The following PROM1 variants were observed in gnomAD, a reference collection of about 807,000 sequenced individuals.
The protein encoded by PROM1 is prominin-1.
Under a neutral mutation model 116.9 loss-of-function variants are expected in PROM1, and 105 were observed. The ratio of observed to expected loss-of-function variants is 0.90; its 90% CI spans 0.77 to 1.06. PROM1 has a LOEUF of 1.06. PROM1 is among the 50% of genes least tolerant of loss of function. The pLI is 0.00. For missense variants in PROM1, 1,122 were observed against 1,045.2 expected (o/e 1.07, Z -1.01); for synonymous variants, 393 against 387.0 (o/e 1.02, Z -0.18).
At chr4:16,018,269 C>G (rs1053616219) in intron 9 of PROM1, 54 bp downstream of exon 9, 70 of 1,569,236 alleles carry the variant, frequency 4.5e-5, no homozygotes, top group Non-Finnish European at 5.3e-5. Context: ...CTTAGCCCTG[C>G]CCGGCAATCC....
intron 26 of PROM1, among the ~76,000 whole-genome samples, chr4:15,978,569 G>T (rs888919712): frequency 1.3e-5 from 2 of 152,192 alleles, no homozygotes; most frequent in African/African-American, 2.4e-5. Context: ...CCTCCCATGT[G>T]GAGCGTGGGC....
chr4:16,015,631 A>G (rs56704777), intron 10 of PROM1, among the ~76,000 whole-genome samples: 15,134 of 151,890 alleles, frequency 0.1, 1,074 homozygotes, highest in East Asian at 0.28. Flanking sequence ...CAGAGGTTGC[A>G]GTGAGCCGAG....
At chr4:15,982,151 G>A (rs953859038) in intron 23 of PROM1, among the ~76,000 whole-genome samples, 8 of 152,196 alleles carry the variant, frequency 5.3e-5, no homozygotes, top group Admixed American at 2.6e-4. Context: ...ACGTAAGTTC[G>A]AGTCTGACAA....
Position 15,987,799 on chromosome 4 carries a change from T to C in PROM1, c.2077-83A>G, listed in dbSNP as rs185378391. 3.1e-5 allele frequency: 36 copies of C among 1,145,574 alleles called. No individual in the cohort carries two copies. In the East Asian group the frequency reaches 8.1e-4, roughly 26 times the overall value. The allele number at this position is 1,145,574 out of a possible 1,614,324, so 71.0% of individuals were successfully genotyped here. A position where few individuals can be genotyped will look rare whatever the true frequency, so the allele number is the denominator to read the frequency against. On this transcript the variant is annotated intron_variant, in intron 19 of 27. Transcript: ENST00000447510. ...CCTTGTGTCCTCCCTTCCCACAAGA[T>C]AGCCATCAAATCTGTCTTTACACTG... is the stretch of plus-strand genomic sequence containing the variant.
At chr4:16,035,813 G>A in intron 3 of PROM1, 52 bp from the exon 4 acceptor site, 1 of 1,553,560 alleles carries the variant, frequency 6.4e-7, no homozygotes, top group Non-Finnish European at 8.9e-7. Context: ...CATGCATCAA[G>A]AAAACAGACA....
Position 15,986,026 on chromosome 4 carries a change from A to G in PROM1, c.2142T>C (p.Thr714=). 6.4e-7 allele frequency: 1 copy of G among 1,572,058 alleles called. No individual in the cohort carries two copies. Among genetic ancestry groups the G allele is most frequent in the Non-Finnish European group, 8.7e-7 (1 of 1,150,788 alleles). ...CAAAATCCAGAGAAGCTAGAATCCTAGTTACTCTCTCCTGAAAGACACAGC... is the reference window on the plus strand; with the variant it reads ...CAAAATCCAGAGAAGCTAGAATCCTGGTTACTCTCTCCTGAAAGACACAGC... ...RTGNGLLERV[T]RILASLDFAQ... Residue 714 remains threonine (T), a synonymous_variant, in exon 21 of 28, where the codon ACT becomes ACC. Transcript: ENST00000447510.
At position 16,025,112 on chromosome 4, in the gene PROM1, T is replaced by C. The variant is rs138027662; in HGVS notation, c.630+80A>G. The C allele has an allele frequency of 7.9e-4, 1,175 of 1,480,026 alleles. 6 individuals are homozygous for C. In the African/African-American group the frequency reaches 0.011, roughly 14 times the overall value. 91.7% of individuals were successfully genotyped at this position (1,480,026 alleles called of 1,614,324 possible). On this transcript the variant is annotated intron_variant, in intron 6 of 27. Coordinates refer to ENST00000447510, the MANE Select transcript of PROM1 (RefSeq NM_006017.3). ...TTCACTGTGTTTCTAGAAGGTTTGA[T>C]TGAGATTCCAAATATACACAGGAAC...
chr4:16,041,201 A>C (rs1281356153), intron 2 of PROM1, among the ~76,000 whole-genome samples: 1 of 152,278 alleles, frequency 6.6e-6, no homozygotes, highest in Non-Finnish European at 1.5e-5. Context: ...GGCACAAATC[A>C]AGATGGCAGC....
chr4:16,046,522 T>A (rs1468801698), intron 2 of PROM1, among the ~76,000 whole-genome samples: 1 of 152,232 alleles, frequency 6.6e-6, no homozygotes, highest in Non-Finnish European at 1.5e-5. Flanking sequence ...AGGAAAACAA[T>A]GTTTAAGGAG....
At chr4:16,059,567 G>T (rs922339077) in intron 2 of PROM1, among the ~76,000 whole-genome samples, 2 of 152,090 alleles carry the variant, frequency 1.3e-5, no homozygotes, top group African/African-American at 4.8e-5. Flanking sequence ...TAGTCGGGTG[G>T]GGTGGTGCAT....
At chr4:16,073,761 G>A (rs1743337697) in intron 2 of PROM1, among the ~76,000 whole-genome samples, 1 of 152,038 alleles carries the variant, frequency 6.6e-6, no homozygotes, top group South Asian at 2.1e-4. Context: ...TCCCTCCTTC[G>A]GTCTAACAAT....
rs944223905 is a variant in PROM1, at chr4:15,985,827, T to C, written c.2213A>G (p.Glu738Gly). 9.3e-7 allele frequency: 1 copy of C among 1,072,284 alleles called. No individual in the cohort carries two copies. The highest frequency in any genetic ancestry group is 1.2e-6 in the Non-Finnish European group (1 of 857,678). 66.4% of individuals were successfully genotyped at this position (1,072,284 alleles called of 1,614,324 possible). A position where few individuals can be genotyped will look rare whatever the true frequency, so the allele number is the denominator to read the frequency against. Residue 738 changes from glutamate to glycine, a missense_variant and splice_region_variant, in exon 22 of 28, where the codon GAA (glutamate) becomes GGA (glycine). Coordinates refer to ENST00000447510, the MANE Select transcript of PROM1 (RefSeq NM_006017.3). ...TATTGTTCTCCCATACTTCTTAGTT[T>C]CCTGGAAAGAAACAAAAGATGAGTA... ...TNNTSSVIIE[E>G]TKKYGRTIIG...
intron 1 of PROM1, 83 bp downstream of exon 1, chr4:16,083,895 G>A (rs1335466810): frequency 8.5e-5 from 13 of 152,374 alleles, no homozygotes; most frequent in South Asian, 2.1e-4. Context: ...TGCCCGGGGG[G>A]ACCCGTTGCG....
At chr4:16,015,342 T>A (rs1455128064) in intron 10 of PROM1, among the ~76,000 whole-genome samples, 1 of 11,992 alleles carries the variant, frequency 8.3e-5, no homozygotes, top group Non-Finnish European at 2.3e-4. Flanking sequence ...CAAGACTCCA[T>A]CTCAAAAAAA....
At chr4:16,050,902 A>G (rs1737716914) in intron 2 of PROM1, among the ~76,000 whole-genome samples, 1 of 152,210 alleles carries the variant, frequency 6.6e-6, no homozygotes, top group Non-Finnish European at 1.5e-5. Context: ...CAGAGTCTGT[A>G]CTGCATTCTA....
intron 2 of PROM1, among the ~76,000 whole-genome samples, chr4:16,052,879 C>T (rs1738210415): frequency 6.6e-6 from 1 of 152,196 alleles, no homozygotes; most frequent in Non-Finnish European, 1.5e-5. Flanking sequence ...ATCTGGAAGA[C>T]ACTACCTTAC....
Position 15,994,044 on chromosome 4 carries a change from G to T in PROM1, c.1710C>A (p.Tyr570Ter), listed in dbSNP as rs201644238. The change falls in exon 16 of 28, where the codon TAC becomes TAA. Residue 570 changes from tyrosine (Y) to a stop codon, truncating the protein, a stop_gained. Coordinates refer to ENST00000447510, the MANE Select transcript of PROM1 (RefSeq NM_006017.3). LOFTEE classifies it high-confidence loss of function. ...YSDCKKNRGT[Y>*]GTLHLQNSFN... ...AGCTGTTCTGCAGGTGAAGAGTGCC[G>T]TAAGTGCCTCTATTTTTTTTGCAGT... 1.2e-6 allele frequency: 2 copies of T among 1,613,878 alleles called. No individual in the cohort carries two copies. Among genetic ancestry groups the T allele is most frequent in the South Asian group, 2.2e-5 (2 of 91,060 alleles).
intron 10 of PROM1, among the ~76,000 whole-genome samples, chr4:16,013,866 C>T (rs541054885): frequency 2.0e-5 from 3 of 152,126 alleles, no homozygotes; most frequent in African/African-American, 7.2e-5. Flanking sequence ...TACACTATCC[C>T]ATGGGCAGAC....
chr4:16,015,254 G>A (rs1162466130), intron 10 of PROM1, among the ~76,000 whole-genome samples: 1 of 139,378 alleles, frequency 7.2e-6, no homozygotes, highest in Non-Finnish European at 1.5e-5. Context: ...GCTGAGGCAT[G>A]AGAATCGCTT....
Sources: gnomAD v4.1 joint callset for allele counts (sites outside exome capture counted in the v4.1 genomes callset) on GRCh38, gnomAD v4.1.1 for gene constraint, MANE v1.5 for transcripts, NCBI Gene and HGNC (gene_info 2026-07-23, HGNC 2026-07-21) for gene names.